DNAH6: variants seen among roughly 807,000 people sequenced by gnomAD.
The protein encoded by DNAH6 is dynein axonemal heavy chain 6.
Under a neutral mutation model 491.4 loss-of-function variants are expected in DNAH6, and 340 were observed. That is an observed-to-expected ratio of 0.69 (90% confidence interval 0.63 to 0.76). DNAH6 has a LOEUF of 0.76. DNAH6 is among the 30% of genes least tolerant of loss of function. The pLI, the probability that DNAH6 is intolerant of heterozygous loss-of-function variation, is 0.00. For synonymous variants in DNAH6, 1,603 were observed against 1,686.1 expected (o/e 0.95, Z 1.21); for missense variants, 4,443 against 4,972.2 (o/e 0.89, Z 3.20).
At chr2:84,669,661 T>C (rs1421721956) in intron 38 of DNAH6, among the ~76,000 whole-genome samples, 151 bp downstream of exon 38, 1 of 152,240 alleles carries the variant, frequency 6.6e-6, no homozygotes. Context: ...TGAATCTATA[T>C]TGATCCTGGG....
At chr2:84,741,734 A>G (rs1276313110) in intron 62 of DNAH6, among the ~76,000 whole-genome samples, 1 of 152,204 alleles carries the variant, frequency 6.6e-6, no homozygotes, top group African/African-American at 2.4e-5. Flanking sequence ...AATCCCCAGG[A>G]TCTGGGTTCT....
the DNAH6 span, among the ~76,000 whole-genome samples, chr2:84,510,390 G>A: frequency 2.0e-5 from 3 of 152,018 alleles, no homozygotes; most frequent in Admixed American, 6.5e-5. Flanking sequence ...TTGTGCATTC[G>A]TCACGTAGTT....
chr2:84,805,365 C>G (rs1288916916), intron 70 of DNAH6, among the ~76,000 whole-genome samples: 1 of 151,934 alleles, frequency 6.6e-6, no homozygotes, highest in African/African-American at 2.4e-5. Context: ...TTGCCAGGGG[C>G]TGGGGAGAGG....
intron 4 of DNAH6, among the ~76,000 whole-genome samples, chr2:84,541,293 G>A (rs1286095914): frequency 1.3e-5 from 2 of 152,154 alleles, no homozygotes; most frequent in Admixed American, 6.5e-5. Context: ...TCTAAGAATA[G>A]GATTACAGAG....
intron 45 of DNAH6, among the ~76,000 whole-genome samples, chr2:84,691,796 T>C (rs1175907528): frequency 6.6e-6 from 1 of 152,138 alleles, no homozygotes; most frequent in East Asian, 1.9e-4. Flanking sequence ...TTTTCAACCA[T>C]TAAAAAAAAT....
chr2:84,772,279 T>C (rs973938084), intron 64 of DNAH6, among the ~76,000 whole-genome samples: 3 of 152,010 alleles, frequency 2.0e-5, no homozygotes, highest in Non-Finnish European at 4.4e-5. Context: ...AAGGCAGTGA[T>C]TGAGGAATTG....
At chr2:84,627,573 C>A (rs1020121904) in intron 29 of DNAH6, among the ~76,000 whole-genome samples, 2 of 152,154 alleles carry the variant, frequency 1.3e-5, no homozygotes, top group African/African-American at 2.4e-5. Context: ...CTGTCTGTGG[C>A]AGCTTATAGG....
intron 42 of DNAH6, among the ~76,000 whole-genome samples, chr2:84,684,040 G>T (rs904775083): frequency 6.6e-6 from 1 of 152,166 alleles, no homozygotes; most frequent in African/African-American, 2.4e-5. Flanking sequence ...CGATCTGAAG[G>T]CTCTGTCATT....
chr2:84,646,207 G>A (rs1689878400), intron 33 of DNAH6, among the ~76,000 whole-genome samples: 1 of 152,136 alleles, frequency 6.6e-6, no homozygotes, highest in African/African-American at 2.4e-5. Flanking sequence ...TGTTCTGGGA[G>A]CACCACAAAC....
chr2:84,718,793 A>G (rs1697804806), intron 59 of DNAH6, among the ~76,000 whole-genome samples: 1 of 152,130 alleles, frequency 6.6e-6, no homozygotes, highest in Non-Finnish European at 1.5e-5. Flanking sequence ...TGTTTATCCT[A>G]TGTCACAGTT....
intron 68 of DNAH6, among the ~76,000 whole-genome samples, chr2:84,793,297 CTG>C (rs1677964887): frequency 6.6e-6 from 1 of 152,172 alleles, no homozygotes; most frequent in Non-Finnish European, 1.5e-5. Context: ...TGAAAGTGAG[CTG>C]TGAGTCATCT....
At chr2:84,730,654 G>A (rs1402308147) in intron 61 of DNAH6, among the ~76,000 whole-genome samples, 2 of 152,152 alleles carry the variant, frequency 1.3e-5, no homozygotes. Context: ...TGTGGCCTGT[G>A]GGCCATGGGT....
At chr2:84,709,584 T>C (rs1696842068) in intron 55 of DNAH6, 38 bp downstream of exon 55, 2 of 1,544,380 alleles carry the variant, frequency 1.3e-6, no homozygotes, top group Non-Finnish European at 8.8e-7. Flanking sequence ...CTTTTGGTTC[T>C]GCTTAATGTT....
intron 16 of DNAH6, among the ~76,000 whole-genome samples, chr2:84,589,969 T>C (rs1388853342): frequency 6.6e-6 from 1 of 152,070 alleles, no homozygotes; most frequent in East Asian, 1.9e-4. Flanking sequence ...CACCTGTCTC[T>C]TCAGAGCCCC....
intron 37 of DNAH6, among the ~76,000 whole-genome samples, chr2:84,659,386 T>G (rs184365636): frequency 6.6e-6 from 1 of 152,146 alleles, no homozygotes; most frequent in South Asian, 2.1e-4. Context: ...GATGTATAAG[T>G]ATATAAAAAC....
chr2:84,796,909 A>C (rs1678410919), intron 69 of DNAH6, among the ~76,000 whole-genome samples: 1 of 152,166 alleles, frequency 6.6e-6, no homozygotes, highest in Non-Finnish European at 1.5e-5. Flanking sequence ...CTATTACAGC[A>C]AGTTGAGTAA....
intron 16 of DNAH6, among the ~76,000 whole-genome samples, chr2:84,593,248 C>G (rs1684275932): frequency 6.6e-6 from 1 of 152,162 alleles, no homozygotes; most frequent in Non-Finnish European, 1.5e-5. Flanking sequence ...CCTTCTGTGG[C>G]TCTCAATTAT....
At chr2:84,717,276 C>T (rs1697629446) in intron 58 of DNAH6, among the ~76,000 whole-genome samples, 1 of 152,154 alleles carries the variant, frequency 6.6e-6, no homozygotes, top group African/African-American at 2.4e-5. Context: ...CTTAAAAATT[C>T]CTTAAACTAC....
rs191175696 is a variant in DNAH6, at chr2:84,523,236, T to A, written c.226-2329T>A. The stretch of plus-strand genomic sequence containing the variant: ...TCCCCTCTAGGTTTTCTAGTTTATG[T>A]GCATATGGTATTCATAGTAATCACT... On this transcript the variant is annotated intron_variant, in intron 2 of 76. Transcript: ENST00000389394. 1.6e-3 allele frequency among the ~76,000 whole-genome samples: 244 copies of A among 152,228 alleles called. 2 individuals carry two copies. Among genetic ancestry groups the A allele is most frequent in the Non-Finnish European group, 2.5e-4 (17 of 67,990 alleles).
Sources: gnomAD v4.1 joint callset for allele counts (sites outside exome capture counted in the v4.1 genomes callset) on GRCh38, gnomAD v4.1.1 for gene constraint, MANE v1.5 for transcripts, NCBI Gene and HGNC (gene_info 2026-07-23, HGNC 2026-07-21) for gene names.